Variants in NAV3 observed in about 807,000 individuals in gnomAD.
NAV3 encodes the protein neuron navigator 3, also known as pore membrane and/or filament interacting like protein 1.
In NAV3, 87 loss-of-function variants were observed where a neutral mutation model predicts 244.7. That is an observed-to-expected ratio of 0.36 (90% CI 0.30 to 0.42). The LOEUF is 0.42. NAV3 is among the 20% of genes least tolerant of loss of function. The probability of loss-of-function intolerance (pLI) is 1.00; values close to 1 mark genes in which losing one functional copy is unlikely to be tolerated. For missense variants in NAV3, 2,663 were observed against 2,893.3 expected (o/e 0.92, Z 1.83); for synonymous variants, 1,126 against 1,042.2 (o/e 1.08, Z -1.55).
intron 11 of NAV3, among the ~76,000 whole-genome samples, chr12:78,057,124 C>G (rs1456299020): frequency 6.6e-6 from 1 of 152,124 alleles, no homozygotes; most frequent in African/African-American, 2.4e-5. Flanking sequence ...TAATGAACCT[C>G]TTTGAAAAGT....
chr12:78,193,020 T>C (rs1217890420), intron 34 of NAV3, among the ~76,000 whole-genome samples: 1 of 152,034 alleles, frequency 6.6e-6, no homozygotes, highest in Admixed American at 6.6e-5. Flanking sequence ...AACATGATAA[T>C]GAGGCATGAA....
At chr12:77,787,845 A>AAT (rs1870978596) in intron 2 of NAV3, among the ~76,000 whole-genome samples, 1 of 152,226 alleles carries the variant, frequency 6.6e-6, no homozygotes, top group African/African-American at 2.4e-5. Context: ...TAAATCTGTA[A>AAT]ATATGTACAT....
intron 12 of NAV3, among the ~76,000 whole-genome samples, chr12:78,104,698 G>T (rs555462400): frequency 1.6e-4 from 24 of 152,212 alleles, no homozygotes; most frequent in African/African-American, 5.1e-4. Flanking sequence ...TGTAAAATTT[G>T]TTTTATTATT....
At chr12:77,792,144 A>G (rs1006233490) in intron 2 of NAV3, among the ~76,000 whole-genome samples, 1 of 152,004 alleles carries the variant, frequency 6.6e-6, no homozygotes, top group Non-Finnish European at 1.5e-5. Context: ...ATTCCTCCAA[A>G]CTGTCTTTTT....
intron 2 of NAV3, among the ~76,000 whole-genome samples, chr12:77,777,821 T>C (rs1870443800): frequency 6.6e-6 from 1 of 152,014 alleles, no homozygotes; most frequent in Admixed American, 6.6e-5. Flanking sequence ...TTTCTTTTTT[T>C]TTTGAGACGG....
chr12:77,815,142 G>A (rs1050002175), intron 2 of NAV3, among the ~76,000 whole-genome samples: 1 of 152,162 alleles, frequency 6.6e-6, no homozygotes, highest in Admixed American at 6.5e-5. Flanking sequence ...TTATTCCCCA[G>A]TAAAATTTTT....
At chr12:78,123,165 T>C (rs1181744553) in intron 16 of NAV3, among the ~76,000 whole-genome samples, 1 of 152,124 alleles carries the variant, frequency 6.6e-6, no homozygotes, top group East Asian at 1.9e-4. Flanking sequence ...GATTATACTG[T>C]ACTGACTCTT....
chr12:78,039,446 C>T (rs1880478336), intron 9 of NAV3, among the ~76,000 whole-genome samples: 1 of 152,018 alleles, frequency 6.6e-6, no homozygotes. Flanking sequence ...TGCTATTTTT[C>T]TCCAAAGTGT....
At chr12:77,763,849 T>A (rs1019075943) in intron 2 of NAV3, among the ~76,000 whole-genome samples, 1 of 152,158 alleles carries the variant, frequency 6.6e-6, no homozygotes, top group Admixed American at 6.5e-5. Flanking sequence ...TCCCACACAG[T>A]TCCAGTCTGA....
chr12:77,685,513 A>G (rs1874695877), intron 2 of NAV3, among the ~76,000 whole-genome samples: 1 of 151,924 alleles, frequency 6.6e-6, no homozygotes. Context: ...ACACATACCC[A>G]CACGCACACC....
At chr12:77,940,229 T>C in intron 1 of NAV3, 90 bp from the exon 2 acceptor site, 1 of 902,984 alleles carries the variant, frequency 1.1e-6, no homozygotes, top group Middle Eastern at 2.3e-4. Context: ...CCAGAATAGC[T>C]TCCCTTTGAA....
intron 2 of NAV3, among the ~76,000 whole-genome samples, chr12:77,579,668 A>C (rs566872620): frequency 1.3e-5 from 2 of 152,354 alleles, no homozygotes; most frequent in Non-Finnish European, 1.5e-5. Flanking sequence ...GCTAACATAC[A>C]AACCATAGTA....
intron 2 of NAV3, among the ~76,000 whole-genome samples, chr12:77,824,704 C>T (rs992098127): frequency 3.3e-5 from 5 of 151,776 alleles, no homozygotes; most frequent in Admixed American, 2.0e-4. Context: ...ACCAGCCTGG[C>T]CAATATGGTA....
chr12:78,063,756 A>G (rs1467984509), intron 12 of NAV3, among the ~76,000 whole-genome samples: 1 of 152,140 alleles, frequency 6.6e-6, no homozygotes, highest in African/African-American at 2.4e-5. Context: ...ACTTTTTGAC[A>G]TCCAGCCTGG....
At chr12:77,922,957 C>T (rs1423363838) in intron 1 of NAV3, among the ~76,000 whole-genome samples, 2 of 151,978 alleles carry the variant, frequency 1.3e-5, no homozygotes, top group Non-Finnish European at 2.9e-5. Context: ...TTTATACGTA[C>T]ATCTTAAGAT....
intron 1 of NAV3, among the ~76,000 whole-genome samples, chr12:77,860,675 A>G (rs907989320): frequency 2.6e-5 from 4 of 151,670 alleles, no homozygotes; most frequent in African/African-American, 9.7e-5. Flanking sequence ...TTTTTGTTTA[A>G]TGTTTTCTGG....
chr12:77,653,766 A>G (rs551930651), intron 2 of NAV3, among the ~76,000 whole-genome samples: 51 of 152,292 alleles, frequency 3.3e-4, no homozygotes, highest in South Asian at 6.2e-4. Context: ...TTATACATCA[A>G]TGGAAATATA....
chr12:77,699,795 T>C (rs1394862114), intron 2 of NAV3, among the ~76,000 whole-genome samples: 2 of 151,166 alleles, frequency 1.3e-5, no homozygotes, highest in African/African-American at 4.9e-5. Context: ...TGACCTTTTT[T>C]TTTTTTTTTA....
chr12:77,605,675 G>A (rs1200644446), intron 2 of NAV3, among the ~76,000 whole-genome samples: 1 of 151,950 alleles, frequency 6.6e-6, no homozygotes, highest in African/African-American at 2.4e-5. Context: ...TTGGATCTTT[G>A]ATTGTAGTAA....
Sources: gnomAD v4.1 joint callset for allele counts (sites outside exome capture counted in the v4.1 genomes callset) on GRCh38, gnomAD v4.1.1 for gene constraint, MANE v1.5 for transcripts, NCBI Gene and HGNC (gene_info 2026-07-23, HGNC 2026-07-21) for gene names.